The following PDE7B variants were observed in gnomAD, a reference collection of about 807,000 sequenced individuals.
The protein encoded by PDE7B is 3',5'-cyclic-AMP phosphodiesterase 7B.
PDE7B carries 29 observed loss-of-function variants against 56.2 expected under a neutral mutation model. That is an observed-to-expected ratio of 0.52 (90% confidence interval 0.38 to 0.70). The LOEUF (loss-of-function observed/expected upper bound fraction) is 0.70. Ranked by LOEUF, PDE7B falls within the 30% of genes least tolerant of loss-of-function variation. The pLI is 0.00. For missense variants in PDE7B, 490 were observed against 565.0 expected, an observed-to-expected ratio of 0.87 and a Z score of 1.35; for synonymous variants, 197 against 196.9, an observed-to-expected ratio of 1.00 and a Z score of 0.00.
At chr6:135,890,475 G>C (rs1775790870) in intron 1 of PDE7B, among the ~76,000 whole-genome samples, 1 of 152,184 alleles carries the variant, frequency 6.6e-6, no homozygotes. Context: ...TGTCCTACTG[G>C]AGATAAAACA....
At chr6:136,143,593 T>A (rs1328677441) in intron 3 of PDE7B, among the ~76,000 whole-genome samples, 1 of 152,122 alleles carries the variant, frequency 6.6e-6, no homozygotes, top group Non-Finnish European at 1.5e-5. Context: ...TGAACTAATG[T>A]TACTATTATT....
rs1307248805 is a variant in PDE7B, at chr6:136,192,459, A to G, written c.*619A>G. 6.6e-6 allele frequency: 1 copy of G among 152,266 alleles called. No homozygotes were observed. The highest frequency in any genetic ancestry group is 1.5e-5 in the Non-Finnish European group (1 of 67,994). The allele number at this position is 152,266 out of a possible 1,614,324, so 9.4% of individuals were successfully genotyped here. A position where few individuals can be genotyped will look rare whatever the true frequency, so the allele number is the denominator to read the frequency against. ...TGAACAGGGGGTTCATTGTTTTGCT[A>G]TTGACTTTATTATGCCACTTTGGGG... On this transcript the variant is annotated 3_prime_UTR_variant, in exon 13 of 13. Transcript: ENST00000308191.
chr6:135,971,058 C>T (rs1173874251), intron 2 of PDE7B, among the ~76,000 whole-genome samples: 2 of 152,036 alleles, frequency 1.3e-5, no homozygotes, highest in Non-Finnish European at 2.9e-5. Flanking sequence ...ATTCTGAAGT[C>T]CTATTCCCCC....
chr6:135,921,103 C>T (rs1010569499), intron 1 of PDE7B, among the ~76,000 whole-genome samples: 9 of 151,952 alleles, frequency 5.9e-5, no homozygotes, highest in Non-Finnish European at 8.8e-5. Context: ...TGAGTGTAGA[C>T]GACAATATTT....
intron 2 of PDE7B, among the ~76,000 whole-genome samples, chr6:136,019,836 C>T (rs144562903): frequency 3.2e-4 from 48 of 152,200 alleles, no homozygotes; most frequent in African/African-American, 8.2e-4. Context: ...ATTTACTATA[C>T]ATTATGTGGA....
intron 2 of PDE7B, among the ~76,000 whole-genome samples, chr6:135,987,443 T>C (rs1775400917): frequency 6.6e-6 from 1 of 152,160 alleles, no homozygotes; most frequent in East Asian, 1.9e-4. Flanking sequence ...CTACAGTTAT[T>C]GCAAAATTAG....
At chr6:135,852,341 T>A (rs1774957678) in intron 1 of PDE7B, among the ~76,000 whole-genome samples, 1 of 152,136 alleles carries the variant, frequency 6.6e-6, no homozygotes, top group African/African-American at 2.4e-5. Context: ...ATATTTTTTT[T>A]CTCCAACATA....
intron 3 of PDE7B, among the ~76,000 whole-genome samples, chr6:136,140,651 G>C (rs1778306501): frequency 6.6e-6 from 1 of 152,130 alleles, no homozygotes; most frequent in African/African-American, 2.4e-5. Context: ...TCATTGAGCA[G>C]TGGTTTGTAG....
chr6:136,029,088 T>C (rs1407013155), intron 2 of PDE7B, among the ~76,000 whole-genome samples: 1 of 152,264 alleles, frequency 6.6e-6, no homozygotes, highest in Admixed American at 6.5e-5. Context: ...GTAATAATTA[T>C]CTTTGCATCA....
intron 2 of PDE7B, among the ~76,000 whole-genome samples, chr6:136,021,602 C>T (rs1421806487): frequency 6.6e-6 from 1 of 151,746 alleles, no homozygotes; most frequent in African/African-American, 2.4e-5. Flanking sequence ...TGAGATTGCA[C>T]CACTGCACTC....
chr6:136,102,309 C>T lies in PDE7B; in HGVS notation c.83-6422C>T, dbSNP rs80217767. Among the ~76,000 whole-genome samples, 1,441 of 152,194 alleles carry T rather than the reference C, an allele frequency of 9.5e-3. 29 individuals carry two copies. The highest frequency in any genetic ancestry group is 0.031 in the African/African-American group (1,307 of 41,530). ...TTGGGAAGGAACACAGAATATCCATCGGAAGAATGGTAACTAAGTAAGAAC... is the reference window on the plus strand; with the variant it reads ...TTGGGAAGGAACACAGAATATCCATTGGAAGAATGGTAACTAAGTAAGAAC... On this transcript the variant is annotated intron_variant, in intron 2 of 12. Coordinates refer to ENST00000308191, the MANE Select transcript of PDE7B (RefSeq NM_018945.4).
chr6:136,193,527 T>C lies in PDE7B; in HGVS notation c.*1687T>C, dbSNP rs1779263515. The C allele has an allele frequency of 6.6e-6, 1 of 152,296 alleles. No homozygotes were observed. The highest frequency in any genetic ancestry group is 6.5e-5 in the Admixed American group (1 of 15,280). 9.4% of individuals were successfully genotyped at this position (152,296 alleles called of 1,614,324 possible). On this transcript the variant is annotated 3_prime_UTR_variant, in exon 13 of 13. Coordinates refer to ENST00000308191, the MANE Select transcript of PDE7B (RefSeq NM_018945.4). The stretch of plus-strand genomic sequence containing the variant: ...ATCAGTTTGTTACAGCATTCTTCTC[T>C]AGGCTGCTAAACGCTGTGCATTGAA...
In PDE7B at chr6:136,181,316, C is replaced by T. The variant is rs775636782; in HGVS notation, c.1038C>T (p.Tyr346=). The change falls in exon 11 of 13, where the codon TAC becomes TAT. Residue 346 remains tyrosine, a synonymous_variant. Coordinates refer to ENST00000308191, the MANE Select transcript of PDE7B (RefSeq NM_018945.4). ...GTGAAAGGGTCTGTGAAGAATTCTA[C>T]AGGCAAGGTTAGTAGTGATCCAACA... is the stretch of plus-strand genomic sequence containing the variant. ...QWSERVCEEF[Y]RQGELEQKFE... is the part of the protein sequence containing the mutation. 3 of 1,599,060 alleles carry T rather than the reference C, an allele frequency of 1.9e-6. No homozygotes were observed. The highest frequency in any genetic ancestry group is 1.7e-6 in the Non-Finnish European group (2 of 1,166,256).
At position 136,133,907 on chromosome 6, in the gene PDE7B, G is replaced by T. The variant is rs1394998007; in HGVS notation, c.167-13444G>T. Among the ~76,000 whole-genome samples, 3 of 152,134 alleles carry T rather than the reference G, an allele frequency of 2.0e-5. No homozygotes were observed. The East Asian group carries it at 5.8e-4, about 29-fold the overall frequency. ...CAGATAGAAACAGAAAACTCTGGGG[G>T]ATGTGGCATAAAAACAGCAAAAGCA... On this transcript the variant is annotated intron_variant, in intron 3 of 12. Coordinates refer to ENST00000308191, the MANE Select transcript of PDE7B (RefSeq NM_018945.4).
Position 136,191,835 on chromosome 6 carries a change from C to T in PDE7B, c.1348C>T (p.Pro450Ser), listed in dbSNP as rs1779230831. Residue 450 changes from proline (P) to serine (S), a missense_variant, in exon 13 of 13, where the codon CCC becomes TCC. Pro to Ser is a moderately conservative substitution (Grantham distance 74). Transcript: ENST00000308191. ...TESEEQEGDS[P>S] is the part of the protein sequence containing the mutation. The stretch of plus-strand genomic sequence containing the variant: ...GAGCGAGGAGCAGGAAGGCGACAGC[C>T]CCTAGGGGCCGGCCCAACTTAGACG... The T allele has an allele frequency of 2.6e-6, 4 of 1,549,508 alleles. No homozygotes were observed. The highest frequency in any genetic ancestry group is 2.2e-4 in the Middle Eastern group (1 of 4,596).
intron 2 of PDE7B, among the ~76,000 whole-genome samples, chr6:135,978,340 C>A (rs1775228358): frequency 6.6e-6 from 1 of 151,982 alleles, no homozygotes; most frequent in African/African-American, 2.4e-5. Flanking sequence ...GTAAATGGAG[C>A]TTGCAGGACT....
At chr6:135,997,589 G>A (rs1583818671) in intron 2 of PDE7B, among the ~76,000 whole-genome samples, 1 of 151,980 alleles carries the variant, frequency 6.6e-6, no homozygotes, top group Non-Finnish European at 1.5e-5. Flanking sequence ...TGTTTCTGCA[G>A]CATTATTTAT....
At chr6:136,191,027 T>TTTTTTTTTTTTC in intron 12 of PDE7B, among the ~76,000 whole-genome samples, 1 of 148,438 alleles carries the variant, frequency 6.7e-6, no homozygotes, top group African/African-American at 2.6e-5. Flanking sequence ...TTTTTTTTTT[T>TTTTTTTTTTTTC]TTTTTTTTTT....
At chr6:135,853,593 C>CA (rs1328891357) in intron 1 of PDE7B, among the ~76,000 whole-genome samples, 2 of 152,138 alleles carry the variant, frequency 1.3e-5, no homozygotes, top group Non-Finnish European at 2.9e-5. Context: ...GTTGCAACTC[C>CA]AAAAACTGTC....
Sources: gnomAD v4.1 joint callset for allele counts (sites outside exome capture counted in the v4.1 genomes callset) on GRCh38, gnomAD v4.1.1 for gene constraint, MANE v1.5 for transcripts, NCBI Gene and HGNC (gene_info 2026-07-23, HGNC 2026-07-21) for gene names.